The following SMARCAD1 variants were observed in gnomAD, a reference collection of about 807,000 sequenced individuals.
SMARCAD1 encodes the protein SWI/SNF-related matrix-associated actin-dependent regulator of chromatin subfamily A containing DEAD/H box 1.
A neutral mutation model predicts 127.1 loss-of-function variants in SMARCAD1; 25 were observed. That is an observed-to-expected ratio of 0.20 (90% CI 0.14 to 0.27). The LOEUF (loss-of-function observed/expected upper bound fraction) is 0.27, where lower values mean the gene tolerates loss of function less well. Ranked by LOEUF, SMARCAD1 falls within the 10% of genes least tolerant of loss-of-function variation. The pLI is 1.00. For synonymous variants in SMARCAD1, 400 were observed against 396.9 expected (o/e 1.01, Z -0.09); for missense variants, 807 against 1,206.0 (o/e 0.67, Z 4.90).
intron 10 of SMARCAD1, 54 bp from the exon 11 acceptor site, chr4:94,270,674 A>G: frequency 6.7e-7 from 1 of 1,487,500 alleles, no homozygotes; most frequent in Non-Finnish European, 9.4e-7. Context: ...AATAACTAAT[A>G]GAAAACTGAT....
chr4:94,284,867 C>T, intron 22 of SMARCAD1, 93 bp from the exon 23 acceptor site: 1 of 804,994 alleles, frequency 1.2e-6, no homozygotes, highest in East Asian at 2.7e-5. Flanking sequence ...TCGTAATTTT[C>T]AAAGTATTCT....
At chr4:94,211,164 C>T (rs749147256) in intron 2 of SMARCAD1, among the ~76,000 whole-genome samples, 9 of 151,942 alleles carry the variant, frequency 5.9e-5, no homozygotes, top group Non-Finnish European at 1.3e-4. Context: ...CCCAGCTACT[C>T]GGGAGGCTGA....
At chr4:94,253,757 G>A in intron 9 of SMARCAD1, 1 of 867,144 alleles carries the variant, frequency 1.2e-6, no homozygotes, top group Non-Finnish European at 1.4e-6. Flanking sequence ...TGAGTTTTAT[G>A]AATGCCAACA....
intron 9 of SMARCAD1, chr4:94,264,423 A>G (rs1751445221): frequency 3.6e-6 from 1 of 276,574 alleles, no homozygotes; most frequent in Non-Finnish European, 6.8e-6. Context: ...TTATAAGAGA[A>G]TAGCTGCCAG....
Position 94,291,184 on chromosome 4 carries a change from A to ATTGTTG in SMARCAD1, c.*1659_*1664dup. On this transcript the variant is annotated 3_prime_UTR_variant, in exon 24 of 24. Coordinates refer to ENST00000354268, the MANE Select transcript of SMARCAD1 (RefSeq NM_020159.5). ...ATAGGCTGTTTCTTTTTTTGTTGTT[A>ATTGTTG]TTGTTGTTGTTGTTATATCCATACT... The ATTGTTG allele has an allele frequency of 2.2e-6, 1 of 445,906 alleles. No individual in the cohort carries two copies. Among genetic ancestry groups the ATTGTTG allele is most frequent in the East Asian group, 7.0e-5 (1 of 14,280 alleles). 27.6% of individuals were successfully genotyped at this position (445,906 alleles called of 1,614,324 possible). A position where few individuals can be genotyped will look rare whatever the true frequency, so the allele number is the denominator to read the frequency against.
chr4:94,238,304 G>T (rs185769137), intron 5 of SMARCAD1, among the ~76,000 whole-genome samples: 177 of 152,242 alleles, frequency 1.2e-3, no homozygotes, highest in Non-Finnish European at 1.8e-3. Flanking sequence ...GTGACCTTGA[G>T]CAGTGTTGCT....
Position 94,274,734 on chromosome 4 carries a change from A to G in SMARCAD1, c.1673-4A>G. The G allele has an allele frequency of 1.1e-5, 17 of 1,613,414 alleles. No individual in the cohort carries two copies. The highest frequency in any genetic ancestry group is 1.7e-5 in the Admixed American group (1 of 60,022). Reference sequence around the variant, plus strand: ...ATGCAAATAATGTCTCTTCTGTTCCATAGATAACTGGTTAAGGGAAGTTAA... The same window carrying G: ...ATGCAAATAATGTCTCTTCTGTTCCGTAGATAACTGGTTAAGGGAAGTTAA... On this transcript the variant is annotated splice_region_variant and splice_polypyrimidine_tract_variant and intron_variant, in intron 12 of 23. Transcript: ENST00000354268.
rs776798349 is a variant in SMARCAD1, at chr4:94,264,923, A to G, written c.1481+17A>G. ...AAACCAAAGGTAATCTTTGTTGAAT[A>G]TATTTATTCGTATTTTATCTCAATT... On this transcript the variant is annotated intron_variant, in intron 10 of 23. Transcript: ENST00000354268. The G allele has an allele frequency of 6.3e-7, 1 of 1,596,276 alleles. No individual in the cohort carries two copies. The highest frequency in any genetic ancestry group is 1.1e-5 in the South Asian group (1 of 90,256).
intron 9 of SMARCAD1, among the ~76,000 whole-genome samples, chr4:94,253,985 T>A (rs1749679902): frequency 6.6e-6 from 1 of 152,178 alleles, no homozygotes; most frequent in Non-Finnish European, 1.5e-5. Flanking sequence ...CTTTTGTGGT[T>A]AATTTTATAC....
intron 2 of SMARCAD1, among the ~76,000 whole-genome samples, chr4:94,223,561 C>T (rs1744500880): frequency 2.0e-5 from 3 of 151,452 alleles, no homozygotes; most frequent in East Asian, 3.9e-4. Context: ...TTTCTCATAG[C>T]CTTTCCTTTT....
Position 94,253,685 on chromosome 4 carries a change from G to A in SMARCAD1, c.1281+678G>A, listed in dbSNP as rs1477180103. ...GCATAAGCACTGGTAAGTACACTTT[G>A]CATGATCATTTTCTGGAATTTGACT... On this transcript the variant is annotated intron_variant, in intron 9 of 23. Coordinates refer to ENST00000354268, the MANE Select transcript of SMARCAD1 (RefSeq NM_020159.5). The A allele has an allele frequency of 4.0e-6, 4 of 996,240 alleles. No homozygotes were observed. In the Admixed American group the frequency reaches 2.2e-4, roughly 54 times the overall value. 61.7% of individuals were successfully genotyped at this position (996,240 alleles called of 1,614,324 possible). A position where few individuals can be genotyped will look rare whatever the true frequency, so the allele number is the denominator to read the frequency against.
At chr4:94,238,613 A>G (rs34453443) in intron 5 of SMARCAD1, among the ~76,000 whole-genome samples, 20 of 151,876 alleles carry the variant, frequency 1.3e-4, no homozygotes, top group South Asian at 2.1e-4. Context: ...ACCCTGTCTC[A>G]AAAGAAAGAA....
rs1266454210 is a variant in SMARCAD1 at position 94,281,516 on chromosome 4, T to C, written c.2652T>C (p.Asp884=). 1.2e-6 allele frequency: 2 copies of C among 1,613,402 alleles called. No homozygotes were observed. The highest frequency in any genetic ancestry group is 2.7e-5 in the African/African-American group (2 of 75,030). ...VLFSQFTMML[D]ILEVLLKHHQ... is the part of the protein sequence containing the mutation. The stretch of plus-strand genomic sequence containing the variant: ...TTAGCCAATTTACCATGATGCTGGA[T>C]ATCTTAGAGGTTCTATTAAAACATC... Residue 884 remains aspartate, a synonymous_variant, in exon 21 of 24, where the codon GAT becomes GAC. Coordinates refer to ENST00000354268, the MANE Select transcript of SMARCAD1 (RefSeq NM_020159.5).
chr4:94,212,633 C>G (rs1647755356), intron 2 of SMARCAD1, among the ~76,000 whole-genome samples: 1 of 152,070 alleles, frequency 6.6e-6, no homozygotes, highest in African/African-American at 2.4e-5. Context: ...ACTACAGGTG[C>G]ACACCACCAC....
chr4:94,275,560 A>C (rs1012664377), intron 14 of SMARCAD1, among the ~76,000 whole-genome samples: 1 of 152,040 alleles, frequency 6.6e-6, no homozygotes, highest in African/African-American at 2.4e-5. Flanking sequence ...ATTTTTTCTT[A>C]ATAAAACAGG....
rs961034848 is a variant in SMARCAD1 at position 94,290,017 on chromosome 4, G to A, written c.*483G>A. On this transcript the variant is annotated 3_prime_UTR_variant, in exon 24 of 24. Transcript: ENST00000354268. ...AGAATGCAGCTGTATAGATTATATA[G>A]CTTTCATTTTATTGCTATTTGAAGC... 3 of 454,282 alleles carry A rather than the reference G, an allele frequency of 6.6e-6. No homozygotes were observed. Among genetic ancestry groups the A allele is most frequent in the African/African-American group, 6.0e-5 (3 of 49,962 alleles). The allele number at this position is 454,282 out of a possible 1,614,324, so 28.1% of individuals were successfully genotyped here.
At chr4:94,270,570 G>A in intron 10 of SMARCAD1, 158 bp from the exon 11 acceptor site, 2 of 606,058 alleles carry the variant, frequency 3.3e-6, no homozygotes, top group Admixed American at 2.7e-5. Flanking sequence ...AATCATTTAT[G>A]TCTTGGGTTC....
chr4:94,253,833 G>A (rs928037783), intron 9 of SMARCAD1, among the ~76,000 whole-genome samples: 3 of 152,024 alleles, frequency 2.0e-5, no homozygotes, highest in African/African-American at 4.8e-5. Flanking sequence ...CCCTTACGTG[G>A]GCTTTTATAG....
intron 2 of SMARCAD1, among the ~76,000 whole-genome samples, chr4:94,215,656 T>C (rs1743055036): frequency 6.7e-6 from 1 of 150,024 alleles, no homozygotes; most frequent in Non-Finnish European, 1.5e-5. Flanking sequence ...GGGATAGAAA[T>C]ATTATTTTAG....
Sources: gnomAD v4.1 joint callset for allele counts (sites outside exome capture counted in the v4.1 genomes callset) on GRCh38, gnomAD v4.1.1 for gene constraint, MANE v1.5 for transcripts, NCBI Gene and HGNC (gene_info 2026-07-23, HGNC 2026-07-21) for gene names.